The following RALGPS1 variants were observed in gnomAD, a reference collection of about 807,000 sequenced individuals.
RALGPS1 encodes the protein ras-specific guanine nucleotide-releasing factor RalGPS1.
A neutral mutation model predicts 78.8 loss-of-function variants in RALGPS1; 19 were observed. That is an observed-to-expected ratio of 0.24 (90% CI 0.17 to 0.35). The LOEUF (loss-of-function observed/expected upper bound fraction) is 0.35, where lower values mean the gene tolerates loss of function less well. Ranked by LOEUF, RALGPS1 falls within the 10% of genes least tolerant of loss-of-function variation. RALGPS1 has a pLI of 1.00. For missense variants in RALGPS1, 454 were observed against 688.3 expected (o/e 0.66, Z 3.81); for synonymous variants, 228 against 256.3 (o/e 0.89, Z 1.06).
chr9:127,197,817 C>T (rs535173816), intron 13 of RALGPS1, among the ~76,000 whole-genome samples: 4 of 152,292 alleles, frequency 2.6e-5, no homozygotes, highest in South Asian at 4.1e-4. Context: ...TTCCCAGAGA[C>T]GCAGCTGTGC....
rs946048340 is a variant in RALGPS1, at chr9:127,085,028, A to G, written c.610+15672A>G. Among the ~76,000 whole-genome samples, 11 of 152,172 alleles carry G rather than the reference A, an allele frequency of 7.2e-5. No homozygotes were observed. In the South Asian group the frequency reaches 1.4e-3, roughly 20 times the overall value. ...CTAAGAGTGTCTGTGAACTGTGAGC[A>G]TGGTACACTCCCATTACCATTGTTT... is the stretch of plus-strand genomic sequence containing the variant. On this transcript the variant is annotated intron_variant, in intron 8 of 18. Transcript: ENST00000259351.
intron 4 of RALGPS1, among the ~76,000 whole-genome samples, chr9:127,002,888 A>G (rs1279301502): frequency 1.3e-5 from 2 of 152,222 alleles, no homozygotes; most frequent in African/African-American, 2.4e-5. Context: ...GCTATTGTGA[A>G]TAATGCTGCA....
chr9:126,957,471 A>G (rs960128345), intron 1 of RALGPS1, among the ~76,000 whole-genome samples: 7 of 152,184 alleles, frequency 4.6e-5, no homozygotes, highest in African/African-American at 9.7e-5. Flanking sequence ...GGATCCACTC[A>G]AAGAGGATCA....
At chr9:127,015,468 C>T (rs1359090317) in intron 4 of RALGPS1, among the ~76,000 whole-genome samples, 3 of 152,110 alleles carry the variant, frequency 2.0e-5, no homozygotes, top group Non-Finnish European at 4.4e-5. Context: ...TTATTCTCAG[C>T]CTGGGAACAG....
At chr9:127,090,816 AG>A (rs898852710) in intron 8 of RALGPS1, among the ~76,000 whole-genome samples, 2 of 152,204 alleles carry the variant, frequency 1.3e-5, no homozygotes, top group Non-Finnish European at 2.9e-5. Flanking sequence ...GCAGACTGAG[AG>A]GCCTTCATCT....
chr9:127,088,278 G>T (rs975678264), intron 8 of RALGPS1: 1 of 152,146 alleles, frequency 6.6e-6, no homozygotes, highest in African/African-American at 2.4e-5. Context: ...AATTTGATTA[G>T]GTGCCAAAAG....
At chr9:126,998,583 G>T (rs1182182164) in intron 4 of RALGPS1, among the ~76,000 whole-genome samples, 1 of 152,134 alleles carries the variant, frequency 6.6e-6, no homozygotes, top group Non-Finnish European at 1.5e-5. Flanking sequence ...TGTAAAACCA[G>T]TTCAACCATT....
chr9:126,971,857 C>A (rs574405210), intron 3 of RALGPS1, among the ~76,000 whole-genome samples: 4 of 152,136 alleles, frequency 2.6e-5, no homozygotes, highest in Admixed American at 2.6e-4. Context: ...TGAAAACTTA[C>A]GGGATTCTGG....
At chr9:126,930,508 T>C (rs2035695313) in intron 1 of RALGPS1, among the ~76,000 whole-genome samples, 1 of 152,240 alleles carries the variant, frequency 6.6e-6, no homozygotes. Context: ...AGTGGCGTAA[T>C]CTTGGCTCAC....
intron 8 of RALGPS1, among the ~76,000 whole-genome samples, chr9:127,095,995 C>CATCT (rs1371777697): frequency 3.9e-5 from 6 of 152,218 alleles, no homozygotes; most frequent in African/African-American, 1.4e-4. Flanking sequence ...CTTCTCCCTT[C>CATCT]ATCTTCTGGG....
intron 14 of RALGPS1, chr9:127,210,680 C>T (rs1263184622): frequency 1.9e-6 from 3 of 1,545,104 alleles, no homozygotes; most frequent in Admixed American, 2.0e-5. Context: ...AAAATTTAAC[C>T]CTTTTCCTCT....
intron 3 of RALGPS1, among the ~76,000 whole-genome samples, chr9:126,972,215 A>G (rs528585960): frequency 1.3e-5 from 2 of 152,322 alleles, no homozygotes; most frequent in South Asian, 2.1e-4. Flanking sequence ...TCATGGCACA[A>G]TTTGAGCTTC....
At chr9:127,084,423 C>A (rs987139802) in intron 8 of RALGPS1, among the ~76,000 whole-genome samples, 3 of 152,134 alleles carry the variant, frequency 2.0e-5, no homozygotes, top group African/African-American at 7.2e-5. Context: ...TACTTCCTGC[C>A]CTGCCCCTAC....
chr9:127,090,363 C>T (rs1421711937), intron 8 of RALGPS1, among the ~76,000 whole-genome samples: 1 of 152,254 alleles, frequency 6.6e-6, no homozygotes, highest in African/African-American at 2.4e-5. Flanking sequence ...GAAGGTTATC[C>T]TTCTGCCCTG....
chr9:126,950,804 A>G (rs1431513708), intron 1 of RALGPS1, among the ~76,000 whole-genome samples: 3 of 151,786 alleles, frequency 2.0e-5, no homozygotes, highest in Non-Finnish European at 2.9e-5. Context: ...AAGGCAAGAA[A>G]TAACTAAAAT....
chr9:127,158,298 A>G (rs992289700), intron 8 of RALGPS1, among the ~76,000 whole-genome samples: 3 of 152,068 alleles, frequency 2.0e-5, no homozygotes, highest in Non-Finnish European at 2.9e-5. Flanking sequence ...TTACTTTTGC[A>G]CCAATCTAAT....
At chr9:127,123,525 A>G (rs984121378) in intron 8 of RALGPS1, among the ~76,000 whole-genome samples, 1 of 152,168 alleles carries the variant, frequency 6.6e-6, no homozygotes, top group Non-Finnish European at 1.5e-5. Flanking sequence ...TGGGTGGATC[A>G]AGGGTCTCCT....
chr9:127,137,287 C>G (rs1359175099), intron 8 of RALGPS1, among the ~76,000 whole-genome samples: 1 of 152,226 alleles, frequency 6.6e-6, no homozygotes. Flanking sequence ...GTGGCCCACT[C>G]TAGGCCAGTT....
At chr9:127,060,655 G>A (rs373344766) in intron 7 of RALGPS1, among the ~76,000 whole-genome samples, 1 of 152,068 alleles carries the variant, frequency 6.6e-6, no homozygotes, top group African/African-American at 2.4e-5. Context: ...CTTTCAGCTG[G>A]TCCCATTGCT....
Sources: gnomAD v4.1 joint callset for allele counts (sites outside exome capture counted in the v4.1 genomes callset) on GRCh38, gnomAD v4.1.1 for gene constraint, MANE v1.5 for transcripts, NCBI Gene and HGNC (gene_info 2026-07-23, HGNC 2026-07-21) for gene names.